Variants in CDYL2 observed in about 807,000 individuals in gnomAD.
CDYL2 encodes chromodomain Y-like protein 2.
CDYL2 carries 23 observed loss-of-function variants against 49.4 expected under a neutral mutation model. The ratio of observed to expected loss-of-function variants is 0.47; its 90% CI spans 0.34 to 0.66. The LOEUF (loss-of-function observed/expected upper bound fraction) is 0.66, where lower values mean the gene tolerates loss of function less well. Among genes scored for constraint, CDYL2 ranks in the 30% least tolerant of loss-of-function variants. The probability of loss-of-function intolerance (pLI) is 0.01; values close to 1 mark genes in which losing one functional copy is unlikely to be tolerated. For missense variants in CDYL2, 678 were observed against 656.4 expected, an observed-to-expected ratio of 1.03 and a Z score of -0.36; for synonymous variants, 360 against 268.8, an observed-to-expected ratio of 1.34 and a Z score of -3.32.
chr16:80,707,324 C>A (rs973212680), intron 1 of CDYL2, among the ~76,000 whole-genome samples: 20 of 151,934 alleles, frequency 1.3e-4, no homozygotes, highest in African/African-American at 4.4e-4. Flanking sequence ...ATAACTCATC[C>A]TGGGGCTGGC....
intron 1 of CDYL2, among the ~76,000 whole-genome samples, chr16:80,687,810 G>A (rs1251357569): frequency 2.0e-5 from 3 of 152,222 alleles, no homozygotes; most frequent in South Asian, 2.1e-4. Context: ...CAAGGCAGAA[G>A]TATAGCGCCT....
intron 4 of CDYL2, 105 bp downstream of exon 4, chr16:80,620,658 T>C: frequency 9.0e-7 from 1 of 1,105,824 alleles, no homozygotes; most frequent in Non-Finnish European, 1.2e-6. Context: ...ATGCTAAAAA[T>C]AAAATTCCTG....
chr16:80,639,246 C>T, intron 2 of CDYL2, among the ~76,000 whole-genome samples: 1 of 152,182 alleles, frequency 6.6e-6, no homozygotes, highest in East Asian at 1.9e-4. Flanking sequence ...TCATTCACTG[C>T]TGGTGGGCAT....
chr16:80,751,121 C>T (rs1198597969), intron 1 of CDYL2, among the ~76,000 whole-genome samples: 1 of 152,082 alleles, frequency 6.6e-6, no homozygotes, highest in Non-Finnish European at 1.5e-5. Context: ...TATTTTGTGG[C>T]TTGCCAAACT....
chr16:80,677,795 A>G (rs1260116858), intron 2 of CDYL2, among the ~76,000 whole-genome samples: 2 of 151,910 alleles, frequency 1.3e-5, no homozygotes, highest in Non-Finnish European at 2.9e-5. Flanking sequence ...AAGAGCCCAC[A>G]TTGCCAAGTC....
chr16:80,738,472 A>G (rs1029978796), intron 1 of CDYL2, among the ~76,000 whole-genome samples: 4 of 152,198 alleles, frequency 2.6e-5, no homozygotes, highest in African/African-American at 9.6e-5. Flanking sequence ...AACTAGGAGA[A>G]TTAGAAAATA....
intron 4 of CDYL2, among the ~76,000 whole-genome samples, chr16:80,617,157 T>C (rs2142371374): frequency 6.6e-6 from 1 of 152,338 alleles, no homozygotes; most frequent in East Asian, 1.9e-4. Context: ...TGCTAGTTCA[T>C]TCATCAAACA....
chr16:80,663,743 C>A (rs992812817), intron 2 of CDYL2, among the ~76,000 whole-genome samples: 2 of 152,144 alleles, frequency 1.3e-5, no homozygotes, highest in Non-Finnish European at 2.9e-5. Context: ...CAGGCACCCA[C>A]CACCACACCC....
chr16:80,705,521 C>T (rs13380675), intron 1 of CDYL2, among the ~76,000 whole-genome samples: 11,120 of 152,294 alleles, frequency 0.073, 682 homozygotes, highest in African/African-American at 0.17. Flanking sequence ...ACTGAGGGAA[C>T]GCAGGCAGGT....
chr16:80,742,809 G>T (rs1905791656), intron 1 of CDYL2, among the ~76,000 whole-genome samples: 1 of 36,856 alleles, frequency 2.7e-5, no homozygotes, highest in Non-Finnish European at 1.7e-4. Flanking sequence ...CAAATAGACA[G>T]ATGTAAAATG....
intron 2 of CDYL2, chr16:80,662,794 T>C (rs16953756): frequency 0.015 from 6,871 of 455,156 alleles, 171 homozygotes; most frequent in Admixed American, 0.054. Flanking sequence ...AATCACACTG[T>C]AGGAAAATCA....
chr16:80,699,521 C>T (rs539177832), intron 1 of CDYL2, among the ~76,000 whole-genome samples: 7 of 102,372 alleles, frequency 6.8e-5, no homozygotes, highest in East Asian at 2.3e-4. Flanking sequence ...AAGAATAGCA[C>T]GAACAGAGGA....
At chr16:80,767,393 G>T (rs921970503) in intron 1 of CDYL2, among the ~76,000 whole-genome samples, 1 of 152,116 alleles carries the variant, frequency 6.6e-6, no homozygotes, top group Non-Finnish European at 1.5e-5. Flanking sequence ...CTTAATTTCA[G>T]TTATTACTTT....
chr16:80,643,365 T>C (rs936671303), intron 2 of CDYL2, among the ~76,000 whole-genome samples: 3 of 152,194 alleles, frequency 2.0e-5, no homozygotes, highest in South Asian at 2.1e-4. Context: ...TGGCATTGAG[T>C]GTCTGCAACT....
chr16:80,727,239 C>G (rs553133783), intron 1 of CDYL2, among the ~76,000 whole-genome samples: 1 of 152,224 alleles, frequency 6.6e-6, no homozygotes, highest in East Asian at 1.9e-4. Context: ...ACTGGGTGCA[C>G]GCACCGTGCC....
At chr16:80,638,080 T>G (rs1383713997) in intron 2 of CDYL2, among the ~76,000 whole-genome samples, 3 of 134,904 alleles carry the variant, frequency 2.2e-5, no homozygotes, top group African/African-American at 7.5e-5. Flanking sequence ...AAGACTCCAT[T>G]TTTTTTTTTC....
rs112753014 is a variant in CDYL2 at position 80,622,645 on chromosome 16, C to T, written c.835-1710G>A. Reference sequence around the variant, plus strand: ...TGCTTGTTTAGTCACACAGAAACTCCCTCATAGCCCTTTTCCTCAACTTCA... The same window carrying T: ...TGCTTGTTTAGTCACACAGAAACTCTCTCATAGCCCTTTTCCTCAACTTCA... On this transcript the variant is annotated intron_variant, in intron 3 of 6. Transcript: ENST00000570137. Among the ~76,000 whole-genome samples the T allele has an allele frequency of 5.5e-3, 831 of 152,232 alleles. 2 individuals are homozygous for T. The highest frequency in any genetic ancestry group is 8.6e-3 in the Non-Finnish European group (587 of 68,016).
chr16:80,765,245 C>G (rs73579928), intron 1 of CDYL2, among the ~76,000 whole-genome samples: 1 of 149,692 alleles, frequency 6.7e-6, no homozygotes, highest in Non-Finnish European at 1.5e-5. Context: ...CCTAAAGCTC[C>G]GAGTATCCAT....
intron 2 of CDYL2, among the ~76,000 whole-genome samples, chr16:80,649,032 C>A (rs987145064): frequency 6.6e-6 from 1 of 152,106 alleles, no homozygotes; most frequent in Non-Finnish European, 1.5e-5. Context: ...CAGCTAGTAT[C>A]CTGCTGAATG....
Sources: gnomAD v4.1 joint callset for allele counts (sites outside exome capture counted in the v4.1 genomes callset) on GRCh38, gnomAD v4.1.1 for gene constraint, MANE v1.5 for transcripts, NCBI Gene and HGNC (gene_info 2026-07-23, HGNC 2026-07-21) for gene names.